Variants in GRIA3 observed in about 807,000 individuals in gnomAD.
The protein encoded by GRIA3 is glutamate receptor 3.
Under a neutral mutation model 63.0 loss-of-function variants are expected in GRIA3, and 3 were observed. That is an observed-to-expected ratio of 0.05 (90% CI 0.02 to 0.12). The LOEUF (loss-of-function observed/expected upper bound fraction) is 0.12, where lower values mean the gene tolerates loss of function less well. GRIA3 is among the 10% of genes least tolerant of loss of function. The pLI is 1.00. For synonymous variants in GRIA3, 274 were observed against 257.9 expected (o/e 1.06, Z -0.60); for missense variants, 347 against 700.9 (o/e 0.50, Z 5.70).
At chrX:123,235,063 A>G (rs1182441865) in intron 2 of GRIA3, among the ~76,000 whole-genome samples, 1 of 112,227 alleles carries the variant, frequency 8.9e-6, no homozygotes, top group Admixed American at 9.4e-5. Flanking sequence ...AATAAAATCT[A>G]AAATTTGGAA....
intron 2 of GRIA3, among the ~76,000 whole-genome samples, chrX:123,213,302 C>T (rs1928083625): frequency 8.9e-6 from 1 of 112,383 alleles, no homozygotes; most frequent in Non-Finnish European, 1.9e-5. Context: ...TTTCATATGA[C>T]AGAGCATTAA....
intron 2 of GRIA3, among the ~76,000 whole-genome samples, chrX:123,208,897 T>C (rs1157713717): frequency 8.9e-6 from 1 of 112,398 alleles, no homozygotes; most frequent in African/African-American, 3.2e-5. Context: ...AGAGGGACTT[T>C]CATTCTCCAC....
At chrX:123,236,767 G>A (rs1313645280) in intron 2 of GRIA3, among the ~76,000 whole-genome samples, 1 of 111,658 alleles carries the variant, frequency 9.0e-6, no homozygotes, top group Non-Finnish European at 1.9e-5. Context: ...AGTGACTTAC[G>A]AAATAGAACT....
chrX:123,391,749 C>T (rs1016512016), intron 5 of GRIA3, among the ~76,000 whole-genome samples: 4 of 112,018 alleles, frequency 3.6e-5, no homozygotes, highest in Non-Finnish European at 7.5e-5. Flanking sequence ...GCAACACAAT[C>T]CTCTGACTCC....
chrX:123,208,393 C>T (rs1465295301), intron 2 of GRIA3, among the ~76,000 whole-genome samples: 1 of 111,973 alleles, frequency 8.9e-6, no homozygotes, highest in Non-Finnish European at 1.9e-5. Context: ...GAGGGCCTTT[C>T]TAACATTAAA....
chrX:123,272,496 G>A (rs935823936), intron 3 of GRIA3, among the ~76,000 whole-genome samples: 2 of 111,921 alleles, frequency 1.8e-5, no homozygotes, highest in African/African-American at 3.3e-5. Flanking sequence ...GATGCTGAAG[G>A]GTTGCCTTGG....
chrX:123,396,515 G>C (rs1603132830), intron 6 of GRIA3, among the ~76,000 whole-genome samples: 1 of 110,762 alleles, frequency 9.0e-6, no homozygotes, highest in Non-Finnish European at 1.9e-5. Context: ...CTGTTTTAGG[G>C]TCCGATCAAG....
chrX:123,427,141 A>G (rs2045593840), intron 11 of GRIA3, among the ~76,000 whole-genome samples: 1 of 111,989 alleles, frequency 8.9e-6, no homozygotes, highest in Non-Finnish European at 1.9e-5. Flanking sequence ...TGGATGACCA[A>G]CTCCACAAAA....
At chrX:123,444,501 C>A (rs1293859647) in intron 12 of GRIA3, among the ~76,000 whole-genome samples, 1 of 111,248 alleles carries the variant, frequency 9.0e-6, no homozygotes, top group African/African-American at 3.3e-5. Flanking sequence ...GTAATCAATG[C>A]AGTTGCATTC....
intron 2 of GRIA3, among the ~76,000 whole-genome samples, chrX:123,242,054 A>T (rs1216071503): frequency 9.0e-6 from 1 of 111,139 alleles, no homozygotes; most frequent in Non-Finnish European, 1.9e-5. Context: ...AAGATGGAGG[A>T]GGTGACTGAG....
chrX:123,483,801 A>G (rs1274144434), intron 15 of GRIA3, among the ~76,000 whole-genome samples: 1 of 111,084 alleles, frequency 9.0e-6, no homozygotes, highest in African/African-American at 3.3e-5. Flanking sequence ...GCATAGTGGC[A>G]GGCGCCTGTA....
chrX:123,251,277 A>T (rs1042358810), intron 2 of GRIA3, among the ~76,000 whole-genome samples: 4 of 111,244 alleles, frequency 3.6e-5, no homozygotes, highest in Non-Finnish European at 5.7e-5. Context: ...GTATTGCAAA[A>T]CTCCACTTAC....
At chrX:123,426,672 G>A (rs2045591426) in intron 11 of GRIA3, among the ~76,000 whole-genome samples, 1 of 112,173 alleles carries the variant, frequency 8.9e-6, no homozygotes, top group Non-Finnish European at 1.9e-5. Context: ...AGATTCTTGG[G>A]CATTCAGCTA....
chrX:123,357,011 C>A (rs2045138153), intron 5 of GRIA3, among the ~76,000 whole-genome samples: 2 of 111,612 alleles, frequency 1.8e-5, no homozygotes, highest in African/African-American at 6.5e-5. Context: ...AGGTCTATAC[C>A]AGTAACAGAA....
At chrX:123,465,829 G>A (rs758336297) in intron 13 of GRIA3, 7 of 901,383 alleles carry the variant, frequency 7.8e-6, no homozygotes, top group African/African-American at 3.9e-5. Context: ...CCTTAGTGAC[G>A]AGTAATCGGC....
chrX:123,360,093 C>A (rs1432326121), intron 5 of GRIA3, among the ~76,000 whole-genome samples: 1 of 111,549 alleles, frequency 9.0e-6, no homozygotes, highest in Non-Finnish European at 1.9e-5. Flanking sequence ...TCTTGCCCAC[C>A]CACCTTCCTA....
chrX:123,373,101 T>C (rs1334504111), intron 5 of GRIA3, among the ~76,000 whole-genome samples: 1 of 107,248 alleles, frequency 9.3e-6, no homozygotes, highest in African/African-American at 3.4e-5. Flanking sequence ...CACCTATGAG[T>C]GAGAATATGC....
intron 3 of GRIA3, among the ~76,000 whole-genome samples, chrX:123,266,949 C>A (rs767211673): frequency 1.8e-3 from 195 of 110,725 alleles, no homozygotes; most frequent in African/African-American, 6.1e-3. Context: ...CTTCCCCAGA[C>A]CCTAGATCTC....
intron 1 of GRIA3, 88 bp from the exon 2 acceptor site, chrX:123,185,744 G>C (rs1927252841): frequency 1.4e-6 from 1 of 694,500 alleles, no homozygotes; most frequent in African/African-American, 2.1e-5. Flanking sequence ...ATCATTGAGA[G>C]GTATCCGGTA....
Sources: gnomAD v4.1 joint callset for allele counts (sites outside exome capture counted in the v4.1 genomes callset) on GRCh38, gnomAD v4.1.1 for gene constraint, MANE v1.5 for transcripts, NCBI Gene and HGNC (gene_info 2026-07-23, HGNC 2026-07-21) for gene names.